The following BRCA1 variants were observed in gnomAD, a reference collection of about 807,000 sequenced individuals.
The protein encoded by BRCA1 is breast cancer type 1 susceptibility protein.
A neutral mutation model predicts 173.7 loss-of-function variants in BRCA1; 140 were observed. The observed-to-expected ratio is 0.81, with a 90% CI of 0.70 to 0.93. The LOEUF (loss-of-function observed/expected upper bound fraction) is 0.93, where lower values mean the gene tolerates loss of function less well. BRCA1 is among the 40% of genes least tolerant of loss of function. The pLI, the probability that BRCA1 is intolerant of heterozygous loss-of-function variation, is 0.00. For missense variants in BRCA1, 1,983 were observed against 2,172.5 expected, an observed-to-expected ratio of 0.91 and a Z score of 1.73; for synonymous variants, 662 against 756.0, an observed-to-expected ratio of 0.88 and a Z score of 2.04.
chr17:43,166,564 C>T (rs1167117113), intron 1 of BRCA1: 2 of 152,162 alleles, frequency 1.3e-5, no homozygotes, highest in Admixed American at 6.5e-5. Context: ...AATTTGTCAA[C>T]ATAGTTCCTA....
intron 3 of BRCA1, among the ~76,000 whole-genome samples, chr17:43,110,801 G>C (rs2055001692): frequency 6.6e-6 from 1 of 151,914 alleles, no homozygotes; most frequent in Non-Finnish European, 1.5e-5. Flanking sequence ...GTGAAACATG[G>C]TCTCTACTAA....
chr17:43,050,781 T>C (rs1440445029), intron 20 of BRCA1, among the ~76,000 whole-genome samples: 1 of 152,180 alleles, frequency 6.6e-6, no homozygotes, highest in Non-Finnish European at 1.5e-5. Context: ...CTCACTAACA[T>C]GTTGGCACTA....
rs8176228 is a variant in BRCA1, at chr17:43,068,303, C to A, written c.4987-608G>T. Among the ~76,000 whole-genome samples the A allele has an allele frequency of 0.036, 5,463 of 151,004 alleles. 329 individuals carry two copies. The highest frequency in any genetic ancestry group is 0.12 in the African/African-American group (5,098 of 41,186). On this transcript the variant is annotated intron_variant, in intron 15 of 22. Transcript: ENST00000357654. The stretch of plus-strand genomic sequence containing the variant: ...AAAAAAAAAAAAAGATACCTGAAGT[C>A]TCAAATAAATAGTTTAATAAAAATT...
upstream of BRCA1, among the ~76,000 whole-genome samples, chr17:43,128,647 C>G (rs1372994696): frequency 6.6e-6 from 1 of 152,168 alleles, no homozygotes; most frequent in Non-Finnish European, 1.5e-5. Context: ...GAAACGATAA[C>G]TGGAAGACTA....
rs886037980 is a variant in BRCA1, at chr17:43,094,675, C to T, written c.856G>A (p.Glu286Lys). The change falls in exon 10 of 23, where the codon GAG becomes AAG. Residue 286 changes from glutamate (E) to lysine (K), a missense_variant. Transcript: ENST00000357654. ...TTAGTGAGTAATAAACTGCTGTTCT[C>T]ATGCTGTAATGAGCTGGCATGAGTA... is the stretch of plus-strand genomic sequence containing the variant. The part of the protein sequence containing the change: ...TNTHASSLQH[E>K]NSSLLLTKDR... 1 of 1,614,046 alleles carries T rather than the reference C, an allele frequency of 6.2e-7. No homozygotes were observed. Among genetic ancestry groups the T allele is most frequent in the African/African-American group, 1.3e-5 (1 of 75,020 alleles).
rs587782873 is a variant in BRCA1, at chr17:43,047,697, G to A, written c.5413C>T (p.His1805Tyr). 6.2e-7 allele frequency: 1 copy of A among 1,614,134 alleles called. No homozygotes were observed. Among genetic ancestry groups the A allele is most frequent in the Non-Finnish European group, 8.5e-7 (1 of 1,180,006 alleles). Residue 1805 changes from histidine to tyrosine, a missense_variant, in exon 22 of 23, where the codon CAC (histidine) becomes TAC (tyrosine). By Grantham distance (83) the His-to-Tyr change is moderately conservative (BLOSUM62 2). Coordinates refer to ENST00000357654, the MANE Select transcript of BRCA1 (RefSeq NM_007294.4). ...TCTGGCTGCACAACCACAATTGGGT[G>A]GACACCCTGGATCCCCAGGAAGGAA... ...LSSFTLGTGV[H>Y]PIVVVQPDAW...
chr17:43,140,861 A>T (rs1026205025), intron 1 of BRCA1, among the ~76,000 whole-genome samples: 1 of 152,192 alleles, frequency 6.6e-6, no homozygotes, highest in African/African-American at 2.4e-5. Context: ...CCCTCCTCTG[A>T]ACTGCTGCAT....
In BRCA1 at chr17:43,100,609, CATATATATAACAT is replaced by C. The variant is rs2054370754; in HGVS notation, c.442-742_442-730del. On this transcript the variant is annotated intron_variant, in intron 6 of 22. Transcript: ENST00000357654. ...ACATATATATATTATATATATATAA[CATATATATAACAT>C]ATATATATGTTATATATATATAACA... Among the ~76,000 whole-genome samples, 8 of 65,758 alleles carry C rather than the reference CATATATATAACAT, an allele frequency of 1.2e-4. 1 individual carries two copies. The highest frequency in any genetic ancestry group is 1.2e-3 in the East Asian group (3 of 2,470). The allele number at this position is 65,758 out of a possible 152,430, so 43.1% of individuals were successfully genotyped here.
At chr17:43,107,049 A>G (rs2054821801) in intron 3 of BRCA1, among the ~76,000 whole-genome samples, 1 of 151,068 alleles carries the variant, frequency 6.6e-6, no homozygotes, top group African/African-American at 2.5e-5. Context: ...CAACAATAAT[A>G]AATACCAAGA....
intron 1 of BRCA1, chr17:43,138,866 C>T (rs769842380): frequency 2.6e-6 from 2 of 778,910 alleles, no homozygotes; most frequent in Non-Finnish European, 4.8e-6. Context: ...CTGCAAGGAC[C>T]TCAGCAGCGG....
chr17:43,074,400 C>A lies in BRCA1; in HGVS notation c.4606G>T (p.Glu1536Ter), dbSNP rs876660460. ...EELIKVVDVE[E>*]QQLEESGPHD... The stretch of plus-strand genomic sequence containing the variant: ...GGCCCAGACTCTTCCAGCTGTTGCT[C>A]CTCCACATCAACAACCTTAATGAGC... The change falls in exon 14 of 23, where the codon GAG becomes TAG. Residue 1536 changes from glutamate (E) to a stop codon, truncating the protein, a stop_gained. Coordinates refer to ENST00000357654, the MANE Select transcript of BRCA1 (RefSeq NM_007294.4). LOFTEE classifies it high-confidence loss of function. 6.2e-7 allele frequency: 1 copy of A among 1,614,124 alleles called. No homozygotes were observed. The highest frequency in any genetic ancestry group is 8.5e-7 in the Non-Finnish European group (1 of 1,180,004).
At chr17:43,108,790 C>CG (rs1449151322) in intron 3 of BRCA1, among the ~76,000 whole-genome samples, 118 of 144,874 alleles carry the variant, frequency 8.1e-4, no homozygotes, top group Middle Eastern at 7.7e-3. Flanking sequence ...GTCAGGAGTT[C>CG]AAGACCAGCC....
upstream of BRCA1, among the ~76,000 whole-genome samples, chr17:43,126,216 T>C (rs1197601797): frequency 6.6e-6 from 1 of 152,192 alleles, no homozygotes; most frequent in Non-Finnish European, 1.5e-5. Context: ...CCAGTGTTTG[T>C]TATTTTTCGG....
chr17:43,141,539 G>A lies in BRCA1; in HGVS notation c.-19-17424C>T, dbSNP rs542710398. Among the ~76,000 whole-genome samples, 7 of 152,074 alleles carry A rather than the reference G, an allele frequency of 4.6e-5. No homozygotes were observed. The South Asian group carries it at 8.4e-4, about 18-fold the overall frequency. ...GTTATATAAAAAAAAATTATCACCG[G>A]GCACGGTGGCTCACACCTGTAATCC... On this transcript the variant is annotated intron_variant, in intron 1 of 7. Transcript: ENST00000634433.
chr17:43,133,720 C>T (rs530787840), intron 1 of BRCA1, among the ~76,000 whole-genome samples: 4 of 151,414 alleles, frequency 2.6e-5, no homozygotes, highest in South Asian at 4.2e-4. Flanking sequence ...CTGCAAGCTC[C>T]GCCTCCCGGG....
rs8065872 is a variant in BRCA1, at chr17:43,109,546, A to T, written c.135-3013T>A. Among the ~76,000 whole-genome samples the T allele has an allele frequency of 0.034, 5,172 of 152,184 alleles. 294 individuals are homozygous for T. The highest frequency in any genetic ancestry group is 0.12 in the African/African-American group (4,813 of 41,486). On this transcript the variant is annotated intron_variant, in intron 3 of 22. Transcript: ENST00000357654. Reference sequence around the variant, plus strand: ...ATAGATGCTTCAAGTACCATATTGCACTCAACAAAACAATGACTCTATAGT... The same window carrying T: ...ATAGATGCTTCAAGTACCATATTGCTCTCAACAAAACAATGACTCTATAGT...
Position 43,092,341 on chromosome 17 carries a change from T to A in BRCA1, c.3190A>T (p.Ser1064Cys), listed in dbSNP as rs273899702. 2 of 1,613,994 alleles carry A rather than the reference T, an allele frequency of 1.2e-6. No homozygotes were observed. The highest frequency in any genetic ancestry group is 1.7e-6 in the Non-Finnish European group (2 of 1,179,986). ...AGTTCTGCTTGAATGTTTTCATCACTGGAACCTATTTCATTAATACTGGAG... is the reference window on the plus strand; with the variant it reads ...AGTTCTGCTTGAATGTTTTCATCACAGGAACCTATTTCATTAATACTGGAG... ...VGSSINEIGS[S>C]DENIQAELGR... is the part of the protein sequence containing the mutation. Residue 1064 changes from serine to cysteine, a missense_variant, in exon 10 of 23, where the codon AGT becomes TGT. Physicochemically the swap from Ser to Cys is moderately radical, Grantham distance 112. Coordinates refer to ENST00000357654, the MANE Select transcript of BRCA1 (RefSeq NM_007294.4).
chr17:43,053,379 C>T (rs904106096), intron 19 of BRCA1, among the ~76,000 whole-genome samples: 3 of 152,178 alleles, frequency 2.0e-5, no homozygotes, highest in Non-Finnish European at 2.9e-5. Flanking sequence ...TTTGAAGTTT[C>T]GGGCTTGGCG....
intron 7 of BRCA1, among the ~76,000 whole-genome samples, chr17:43,097,615 A>C (rs1240683223): frequency 6.6e-6 from 1 of 152,178 alleles, no homozygotes; most frequent in Non-Finnish European, 1.5e-5. Context: ...AAAACAAAAA[A>C]AAAGCACAGG....
Sources: allele counts gnomAD v4.1 joint callset (sites outside exome capture counted in the v4.1 genomes callset), GRCh38; gene constraint gnomAD v4.1.1; transcripts MANE v1.5; gene names NCBI Gene and HGNC (gene_info 2026-07-23, HGNC 2026-07-21).